GPA33: variants seen among roughly 807,000 people sequenced by gnomAD.
GPA33 encodes cell surface A33 antigen.
Under a neutral mutation model 35.6 loss-of-function variants are expected in GPA33, and 27 were observed. The observed-to-expected ratio is 0.76, with a 90% CI of 0.56 to 1.04. The LOEUF (loss-of-function observed/expected upper bound fraction) is 1.04, where lower values mean the gene tolerates loss of function less well. Ranked by LOEUF, GPA33 falls within the 50% of genes least tolerant of loss-of-function variation. The probability of loss-of-function intolerance (pLI) is 0.00; values close to 1 mark genes in which losing one functional copy is unlikely to be tolerated. For missense variants in GPA33, 428 were observed against 411.9 expected (o/e 1.04, Z -0.34); for synonymous variants, 176 against 164.0 (o/e 1.07, Z -0.56).
At chr1:167,056,682 G>GC (rs1195216994) in intron 4 of GPA33, among the ~76,000 whole-genome samples, 497 of 81,936 alleles carry the variant, frequency 6.1e-3, no homozygotes, top group South Asian at 7.6e-3. Flanking sequence ...TGATGTGTCT[G>GC]GTGTGTGGTG....
In GPA33 at chr1:167,082,785, G is replaced by A. The variant is rs191983411; in HGVS notation, c.43+7460C>T. ...CTTTGTGACGGCCCTAATGGGAAGCGTCTGTCTGTCGCCATGTTCTGCCCA... is the reference window on the plus strand; with the variant it reads ...CTTTGTGACGGCCCTAATGGGAAGCATCTGTCTGTCGCCATGTTCTGCCCA... On this transcript the variant is annotated intron_variant, in intron 1 of 6. Coordinates refer to ENST00000367868, the MANE Select transcript of GPA33 (RefSeq NM_005814.3). Among the ~76,000 whole-genome samples the A allele has an allele frequency of 4.2e-4, 64 of 152,308 alleles. No homozygotes were observed. The East Asian group carries it at 5.2e-3, about 12-fold the overall frequency.
chr1:167,067,456 G>A (rs1480098790), intron 3 of GPA33, among the ~76,000 whole-genome samples: 3 of 152,114 alleles, frequency 2.0e-5, no homozygotes, highest in Non-Finnish European at 4.4e-5. Context: ...CATAATCTCA[G>A]ATTAAATTTG....
At chr1:167,054,923 A>T (rs1666202114) in intron 6 of GPA33, 53 bp downstream of exon 6, 2 of 1,596,642 alleles carry the variant, frequency 1.3e-6, no homozygotes, top group South Asian at 1.1e-5. Context: ...ATTGGGAAGC[A>T]TATTTCCAGT....
At chr1:167,057,654 G>A (rs559155292) in intron 4 of GPA33, among the ~76,000 whole-genome samples, 3 of 152,230 alleles carry the variant, frequency 2.0e-5, no homozygotes, top group Non-Finnish European at 4.4e-5. Flanking sequence ...CCGCCCCACC[G>A]TCACTTTCCT....
intron 4 of GPA33, among the ~76,000 whole-genome samples, chr1:167,058,889 C>T (rs577047242): frequency 9.2e-5 from 14 of 152,104 alleles, no homozygotes; most frequent in Non-Finnish European, 1.9e-4. Context: ...CTAAATGAAT[C>T]GGATTTGTTA....
intron 1 of GPA33, among the ~76,000 whole-genome samples, chr1:167,078,146 C>A (rs1199635064): frequency 6.6e-6 from 1 of 152,220 alleles, no homozygotes; most frequent in Non-Finnish European, 1.5e-5. Flanking sequence ...CCACATCACA[C>A]CCCTCAATCT....
intron 1 of GPA33, among the ~76,000 whole-genome samples, chr1:167,081,171 G>A (rs990753917): frequency 3.3e-5 from 5 of 152,240 alleles, no homozygotes; most frequent in East Asian, 1.9e-4. Context: ...AAAATAATAC[G>A]TTGGAGGATA....
At chr1:167,057,601 G>A (rs1210622949) in intron 4 of GPA33, among the ~76,000 whole-genome samples, 2 of 152,160 alleles carry the variant, frequency 1.3e-5, no homozygotes, top group Non-Finnish European at 2.9e-5. Flanking sequence ...TTTGCCTCTT[G>A]CCACTTGGTG....
At chr1:167,074,906 CTTTTTTTTT>C (rs774982628) in intron 1 of GPA33, among the ~76,000 whole-genome samples, 11 of 121,746 alleles carry the variant, frequency 9.0e-5, no homozygotes, top group African/African-American at 3.6e-4. Context: ...ATTTGACTTA[CTTTTTTTTT>C]TTTTTTTTTT....
intron 2 of GPA33, among the ~76,000 whole-genome samples, chr1:167,072,001 T>C (rs137887403): frequency 6.6e-6 from 1 of 152,182 alleles, no homozygotes. Flanking sequence ...AAGAGAAGGT[T>C]CCCTTTCGCT....
At chr1:167,075,797 G>T (rs1045704973) in intron 1 of GPA33, among the ~76,000 whole-genome samples, 16 of 152,226 alleles carry the variant, frequency 1.1e-4, no homozygotes, top group African/African-American at 3.9e-4. Context: ...CATGATGGAG[G>T]AAATTAGGAG....
At chr1:167,058,254 TATA>T (rs1364229943) in intron 4 of GPA33, 10 of 152,234 alleles carry the variant, frequency 6.6e-5, no homozygotes, top group African/African-American at 1.7e-4. Flanking sequence ...GTATGCTCCT[TATA>T]ATAATTTATA....
chr1:167,054,975 C>A lies in GPA33; in HGVS notation c.827+1G>T, dbSNP rs150875349. The A allele has an allele frequency of 1.6e-4, 251 of 1,614,030 alleles. 2 individuals are homozygous for A. The East Asian group carries it at 3.5e-3, about 23-fold the overall frequency. On this transcript the variant is annotated splice_donor_variant, in intron 6 of 6. Transcript: ENST00000367868. LOFTEE classifies it high-confidence loss of function. ...AACAGGCTACCAGCCCAGACACTCA[C>A]GGCCTTGCATCCTCCTTGTCTTCAG...
intron 1 of GPA33, chr1:167,078,625 G>A (rs778288470): frequency 2.6e-5 from 4 of 152,160 alleles, no homozygotes; most frequent in Non-Finnish European, 4.4e-5. Flanking sequence ...CTTTCTTCTG[G>A]TTCAGAAACA....
intron 1 of GPA33, among the ~76,000 whole-genome samples, chr1:167,076,717 A>C (rs899678847): frequency 2.0e-5 from 3 of 152,164 alleles, no homozygotes; most frequent in African/African-American, 7.2e-5. Flanking sequence ...AAGATGTCAA[A>C]AAAACAGGTT....
chr1:167,076,355 G>C (rs1666823576), intron 1 of GPA33, among the ~76,000 whole-genome samples: 1 of 152,064 alleles, frequency 6.6e-6, no homozygotes, highest in Admixed American at 6.5e-5. Context: ...GGTGCAAGTG[G>C]GCTGGTAGAT....
chr1:167,085,637 C>T (rs1322577471), intron 1 of GPA33, among the ~76,000 whole-genome samples: 5 of 152,140 alleles, frequency 3.3e-5, no homozygotes, highest in African/African-American at 4.8e-5. Flanking sequence ...CCTGGACATA[C>T]CGAATCATCT....
intron 1 of GPA33, among the ~76,000 whole-genome samples, chr1:167,081,603 G>C (rs1232383291): frequency 6.6e-6 from 1 of 152,154 alleles, no homozygotes; most frequent in Non-Finnish European, 1.5e-5. Context: ...TCCTAGTTTA[G>C]TGCAAGGCAC....
rs954573223 is a variant in GPA33 at position 167,054,884 on chromosome 1, G to A, written c.827+92C>T. ...AAAATGGGGGTGATATACCCCAAGG[G>A]GTGCTGCAAGTAGAAGAGGCTGTGA... On this transcript the variant is annotated intron_variant, in intron 6 of 6. Transcript: ENST00000367868. 6.4e-6 allele frequency: 9 copies of A among 1,413,280 alleles called. No individual in the cohort carries two copies. The Admixed American group carries it at 1.4e-4, about 22-fold the overall frequency. The allele number at this position is 1,413,280 out of a possible 1,614,324, so 87.5% of individuals were successfully genotyped here.
Sources: allele counts gnomAD v4.1 joint callset (sites outside exome capture counted in the v4.1 genomes callset), GRCh38; gene constraint gnomAD v4.1.1; transcripts MANE v1.5; gene names NCBI Gene and HGNC (gene_info 2026-07-23, HGNC 2026-07-21).